FRMPD4: variants seen among roughly 807,000 people sequenced by gnomAD.
The protein encoded by FRMPD4 is FERM and PDZ domain-containing protein 4.
Under a neutral mutation model 94.1 loss-of-function variants are expected in FRMPD4, and 22 were observed. The observed-to-expected ratio is 0.23, with a 90% confidence interval of 0.17 to 0.33. The LOEUF is 0.33. Ranked by LOEUF, FRMPD4 falls within the 10% of genes least tolerant of loss-of-function variation. The pLI is 1.00. For synonymous variants in FRMPD4, 631 were observed against 548.6 expected (o/e 1.15, Z -2.10); for missense variants, 1,111 against 1,339.9 (o/e 0.83, Z 2.67).
At chrX:12,479,355 T>TACAC (rs57155490) in intron 1 of FRMPD4, among the ~76,000 whole-genome samples, 23 of 96,616 alleles carry the variant, frequency 2.4e-4, no homozygotes, top group East Asian at 6.3e-4. Context: ...TATATATATA[T>TACAC]ACACACACAC....
chrX:12,679,679 C>G (rs1013468624), intron 5 of FRMPD4, among the ~76,000 whole-genome samples: 1 of 111,522 alleles, frequency 9.0e-6, no homozygotes, highest in Non-Finnish European at 1.9e-5. Context: ...AGGAGACACT[C>G]CATCAATGAT....
At position 12,261,560 on chromosome X, in the gene FRMPD4, C is replaced by T. The variant is rs776317438; in HGVS notation, c.41+122548C>T. ...ATTTTGGTGATAAAAGACTGAACAA[C>T]TTAGTCCAGCAAGAGTTCAGAAGAA... On this transcript the variant is annotated intron_variant, in intron 1 of 16. Transcript: ENST00000675598. Among the ~76,000 whole-genome samples the T allele has an allele frequency of 1.5e-4, 17 of 112,113 alleles. No homozygotes were observed. In the East Asian group the frequency reaches 4.8e-3, roughly 31 times the overall value.
chrX:12,634,824 CTTTTTTTTTTTTTTT>C (rs780126204), intron 4 of FRMPD4, among the ~76,000 whole-genome samples: 1 of 52,215 alleles, frequency 1.9e-5, no homozygotes, highest in Non-Finnish European at 3.3e-5. Flanking sequence ...GTCCATCTCT[CTTTTTTTTTTTTTTT>C]TTTTTTTTTT....
At chrX:12,629,285 T>A (rs1342463869) in intron 4 of FRMPD4, among the ~76,000 whole-genome samples, 1 of 111,785 alleles carries the variant, frequency 8.9e-6, no homozygotes, top group Non-Finnish European at 1.9e-5. Context: ...GCTGACCAAA[T>A]GGGCAAAGAA....
intron 3 of FRMPD4, among the ~76,000 whole-genome samples, chrX:11,967,638 G>A (rs891824986): frequency 4.5e-5 from 5 of 110,961 alleles, no homozygotes; most frequent in African/African-American, 1.3e-4. Flanking sequence ...GGTCTTACTC[G>A]TGAATGGAGG....
chrX:11,946,369 T>G (rs779493689), intron 3 of FRMPD4, among the ~76,000 whole-genome samples: 15 of 111,992 alleles, frequency 1.3e-4, no homozygotes, highest in South Asian at 7.6e-4. Flanking sequence ...ATTGTAGGGT[T>G]GCACTTTCCT....
chrX:12,146,745 T>C (rs188627135), intron 1 of FRMPD4, among the ~76,000 whole-genome samples: 85 of 112,753 alleles, frequency 7.5e-4, no homozygotes, highest in Admixed American at 2.2e-3. Context: ...ATTTCACTGC[T>C]TTAACAGATC....
chrX:12,398,072 C>A (rs771977857), intron 1 of FRMPD4, among the ~76,000 whole-genome samples: 1 of 111,128 alleles, frequency 9.0e-6, no homozygotes, highest in African/African-American at 3.3e-5. Flanking sequence ...GGGAGCACAC[C>A]TTTGATTTGA....
At chrX:12,655,496 A>C (rs997105857) in intron 4 of FRMPD4, among the ~76,000 whole-genome samples, 23 of 112,124 alleles carry the variant, frequency 2.1e-4, no homozygotes, top group Non-Finnish European at 3.9e-4. Flanking sequence ...GCATTGTCCA[A>C]CATATCATGC....
At position 12,667,322 on chromosome X, in the gene FRMPD4, A is replaced by G. The variant is rs184694782; in HGVS notation, c.423-7541A>G. 4.8e-3 allele frequency among the ~76,000 whole-genome samples: 537 copies of G among 111,894 alleles called. 1 individual carries two copies. Among genetic ancestry groups the G allele is most frequent in the Middle Eastern group, 9.3e-3 (2 of 216 alleles). ...ATTCTGACATGAAATATCTTCCTACATATCTTTGTTATTTGAGTTTTATTT... is the reference window on the plus strand; with the variant it reads ...ATTCTGACATGAAATATCTTCCTACGTATCTTTGTTATTTGAGTTTTATTT... On this transcript the variant is annotated intron_variant, in intron 4 of 16. Coordinates refer to ENST00000675598, the MANE Select transcript of FRMPD4 (RefSeq NM_001368397.1).
intron 3 of FRMPD4, among the ~76,000 whole-genome samples, chrX:11,930,755 G>C (rs1338086670): frequency 8.9e-6 from 1 of 112,013 alleles, no homozygotes; most frequent in Non-Finnish European, 1.9e-5. Context: ...GAAAGCAGAG[G>C]ATGGGCAGGG....
At chrX:12,339,939 T>C (rs897447336) in intron 1 of FRMPD4, among the ~76,000 whole-genome samples, 2 of 112,270 alleles carry the variant, frequency 1.8e-5, no homozygotes, top group Non-Finnish European at 3.8e-5. Flanking sequence ...ATAAACAAAT[T>C]TGGGTAGCAA....
chrX:12,194,962 C>A (rs962350760), intron 1 of FRMPD4, among the ~76,000 whole-genome samples: 45 of 112,260 alleles, frequency 4.0e-4, no homozygotes, highest in Non-Finnish European at 7.3e-4. Context: ...TTGCCCTTGG[C>A]TTAATTCTAT....
rs371093547 is a variant in FRMPD4 at position 12,363,681 on chromosome X, C to T, written c.42-134999C>T. ...TTACAGTGCCAACCAAATACAGTTG[C>T]AGGTACCTATCATTAATGTTATTTG... On this transcript the variant is annotated intron_variant, in intron 1 of 16. Transcript: ENST00000675598. Among the ~76,000 whole-genome samples, 31 of 112,535 alleles carry T rather than the reference C, an allele frequency of 2.8e-4. No homozygotes were observed. The South Asian group carries it at 6.7e-3, about 25-fold the overall frequency.
chrX:11,904,327 T>C (rs760357574), intron 3 of FRMPD4, among the ~76,000 whole-genome samples: 104 of 111,840 alleles, frequency 9.3e-4, no homozygotes, highest in Non-Finnish European at 1.7e-3. Context: ...CTGCCTTTAC[T>C]GAATTCAAAA....
At chrX:11,870,181 C>T (rs151201558) in intron 2 of FRMPD4, among the ~76,000 whole-genome samples, 1,842 of 112,012 alleles carry the variant, frequency 0.016, 19 homozygotes, top group Non-Finnish European at 0.027. Context: ...TTTATGTTAA[C>T]TTTCATAGAT....
chrX:12,400,569 CT>C (rs2056597119), intron 1 of FRMPD4, among the ~76,000 whole-genome samples: 2 of 112,060 alleles, frequency 1.8e-5, no homozygotes, highest in Non-Finnish European at 3.8e-5. Flanking sequence ...CTTTCTTGTA[CT>C]TTTTACCCCT....
chrX:12,716,397 G>A lies in FRMPD4; in HGVS notation c.1938G>A (p.Pro646=), dbSNP rs370459696. 13 of 1,208,451 alleles carry A rather than the reference G, an allele frequency of 1.1e-5. No homozygotes were observed. Among genetic ancestry groups the A allele is most frequent in the East Asian group, 5.9e-5 (2 of 33,753 alleles). Residue 646 remains proline, a synonymous_variant, in exon 15 of 17, where the codon CCG becomes CCA. Coordinates refer to ENST00000675598, the MANE Select transcript of FRMPD4 (RefSeq NM_001368397.1). The stretch of plus-strand genomic sequence containing the variant: ...CTCTGAAGAAAGCACAGGAATCTCC[G>A]AGAGGAGCTAAAGTGTCCTTTATTT... The part of the protein sequence containing the change: ...PETLKKAQES[P]RGAKVSFIFG...
chrX:12,460,732 A>G (rs1247261579), intron 1 of FRMPD4, among the ~76,000 whole-genome samples: 2 of 111,823 alleles, frequency 1.8e-5, no homozygotes, highest in Non-Finnish European at 3.8e-5. Context: ...TTTTAAGTAA[A>G]GGAGCATATT....
Sources: gnomAD v4.1 joint callset for allele counts (sites outside exome capture counted in the v4.1 genomes callset) on GRCh38, gnomAD v4.1.1 for gene constraint, MANE v1.5 for transcripts, NCBI Gene and HGNC (gene_info 2026-07-23, HGNC 2026-07-21) for gene names.